WDR41: variants seen among roughly 807,000 people sequenced by gnomAD.
The protein encoded by WDR41 is WD repeat-containing protein 41.
A neutral mutation model predicts 69.3 loss-of-function variants in WDR41; 63 were observed. The observed-to-expected ratio is 0.91, with a 90% confidence interval of 0.74 to 1.12. The LOEUF (loss-of-function observed/expected upper bound fraction) is 1.12. Ranked by LOEUF, WDR41 falls within the 50% of genes most tolerant of loss-of-function variation. The pLI, the probability that WDR41 is intolerant of heterozygous loss-of-function variation, is 0.00. For synonymous variants in WDR41, 185 were observed against 192.1 expected, an observed-to-expected ratio of 0.96 and a Z score of 0.31; for missense variants, 543 against 534.5, an observed-to-expected ratio of 1.02 and a Z score of -0.16.
intron 1 of WDR41, among the ~76,000 whole-genome samples, chr5:77,561,988 A>C (rs1443685656): frequency 1.3e-5 from 2 of 152,210 alleles, no homozygotes; most frequent in African/African-American, 4.8e-5. Flanking sequence ...TTAAAAGGTC[A>C]GTTCCCAGTT....
At chr5:77,504,501 G>A (rs982181970) in intron 1 of WDR41, among the ~76,000 whole-genome samples, 3 of 152,138 alleles carry the variant, frequency 2.0e-5, no homozygotes, top group South Asian at 4.1e-4. Flanking sequence ...AGAAAAAGAG[G>A]GAATCCTCCC....
chr5:77,531,305 A>G (rs920028407), intron 1 of WDR41, among the ~76,000 whole-genome samples: 4 of 152,050 alleles, frequency 2.6e-5, no homozygotes, highest in Admixed American at 6.6e-5. Context: ...TTACAACTCA[A>G]CAACAAAATG....
chr5:77,608,448 C>T (rs1744470773), intron 1 of WDR41, among the ~76,000 whole-genome samples: 1 of 152,122 alleles, frequency 6.6e-6, no homozygotes, highest in South Asian at 2.1e-4. Context: ...CCTGTAGAGG[C>T]TTCAGTACCT....
At chr5:77,555,587 G>A (rs1299324054) in intron 1 of WDR41, among the ~76,000 whole-genome samples, 1 of 152,112 alleles carries the variant, frequency 6.6e-6, no homozygotes, top group African/African-American at 2.4e-5. Context: ...TGGGATTACA[G>A]GTGTGAGCCA....
At position 77,476,048 on chromosome 5, in the gene WDR41, G is replaced by A. The variant is rs557941873; in HGVS notation, c.168-11239C>T. ...ATGCAGAAGCCTCAGAAGCCGATGC[G>A]ATCAACTGGAAGAAAGGGTATCAGC... On this transcript the variant is annotated intron_variant, in intron 2 of 12. Transcript: ENST00000296679. Among the ~76,000 whole-genome samples, 842 of 152,200 alleles carry A rather than the reference G, an allele frequency of 5.5e-3. 1 individual carries two copies. The highest frequency in any genetic ancestry group is 8.3e-3 in the Non-Finnish European group (566 of 68,006).
intron 1 of WDR41, among the ~76,000 whole-genome samples, chr5:77,514,206 T>C (rs1171418054): frequency 1.3e-5 from 2 of 152,212 alleles, no homozygotes; most frequent in Non-Finnish European, 2.9e-5. Flanking sequence ...CCAGTCTTTT[T>C]TTTTCTGTAC....
intron 1 of WDR41, among the ~76,000 whole-genome samples, chr5:77,552,787 G>A (rs1743321253): frequency 6.6e-6 from 1 of 152,168 alleles, no homozygotes; most frequent in Admixed American, 6.5e-5. Context: ...CCAATTTAAA[G>A]GAGGAGGAAT....
chr5:77,602,971 C>A (rs1402832046), intron 1 of WDR41, among the ~76,000 whole-genome samples: 1 of 148,028 alleles, frequency 6.8e-6, no homozygotes, highest in Non-Finnish European at 1.5e-5. Flanking sequence ...TGGAGTCTCG[C>A]TCTGTGGCCC....
intron 1 of WDR41, among the ~76,000 whole-genome samples, chr5:77,599,051 A>G (rs1246898242): frequency 2.0e-5 from 3 of 152,014 alleles, no homozygotes; most frequent in Non-Finnish European, 4.4e-5. Context: ...ACTTCAAGCT[A>G]CTACTAATAT....
chr5:77,487,032 C>T (rs2112103556), intron 2 of WDR41, among the ~76,000 whole-genome samples: 1 of 152,306 alleles, frequency 6.6e-6, no homozygotes, highest in Middle Eastern at 3.4e-3. Context: ...GTACACTAAC[C>T]ATTATTCTAT....
intron 1 of WDR41, among the ~76,000 whole-genome samples, chr5:77,537,376 G>A (rs1743006905): frequency 6.6e-6 from 1 of 152,228 alleles, no homozygotes; most frequent in Non-Finnish European, 1.5e-5. Context: ...ATCCGACCAT[G>A]TTTGGTCAGG....
chr5:77,620,433 A>T (rs1561242496), intron 1 of WDR41: 1 of 456,080 alleles, frequency 2.2e-6, no homozygotes, highest in African/African-American at 2.0e-5. Flanking sequence ...CCCTGAAAAT[A>T]TTGGGGGATG....
In WDR41 at chr5:77,489,582, A is replaced by T; in HGVS notation, c.52-10T>A. On this transcript the variant is annotated splice_polypyrimidine_tract_variant and intron_variant, in intron 1 of 12. Transcript: ENST00000296679. ...TCTGTAAAGGAGATTTCTTGTATTG[A>T]AAAAAAAAAAAAAGCAAAAAACAAA... 4 of 365,044 alleles carry T rather than the reference A, an allele frequency of 1.1e-5. No homozygotes were observed. Among genetic ancestry groups the T allele is most frequent in the Non-Finnish European group, 1.2e-5 (3 of 257,008 alleles). The allele number at this position is 365,044 out of a possible 1,614,324, so 22.6% of individuals were successfully genotyped here.
chr5:77,476,364 A>G (rs915389495), intron 2 of WDR41, among the ~76,000 whole-genome samples: 1 of 151,460 alleles, frequency 6.6e-6, no homozygotes, highest in East Asian at 1.9e-4. Flanking sequence ...TCCAAGACAC[A>G]TAATTGTCAG....
At chr5:77,576,014 G>A (rs963649954) in intron 1 of WDR41, among the ~76,000 whole-genome samples, 2 of 152,136 alleles carry the variant, frequency 1.3e-5, no homozygotes. Context: ...GAACCTTCTG[G>A]ATGGAGTCTT....
chr5:77,601,516 A>G (rs1163819182), intron 1 of WDR41, among the ~76,000 whole-genome samples: 1 of 152,256 alleles, frequency 6.6e-6, no homozygotes, highest in Non-Finnish European at 1.5e-5. Context: ...TGAAGTACTT[A>G]GACTGCAAGG....
intron 12 of WDR41, among the ~76,000 whole-genome samples, chr5:77,435,566 G>C (rs569675676): frequency 6.6e-6 from 1 of 152,196 alleles, no homozygotes; most frequent in African/African-American, 2.4e-5. Flanking sequence ...CAAATGAAAA[G>C]AAATTTTTTG....
chr5:77,464,274 C>CTTTTTTTTTTTTTTTTT (rs71606297), intron 3 of WDR41, among the ~76,000 whole-genome samples: 7 of 94,202 alleles, frequency 7.4e-5, no homozygotes, highest in East Asian at 3.4e-4. Flanking sequence ...TAGGAAAAAA[C>CTTTTTTTTTTTTTTTTT]TTTTTTTTTT....
At chr5:77,486,132 T>C (rs1313894886) in intron 2 of WDR41, among the ~76,000 whole-genome samples, 1 of 152,264 alleles carries the variant, frequency 6.6e-6, no homozygotes, top group African/African-American at 2.4e-5. Context: ...ATAATGTTTA[T>C]ACTTTGTAGA....
Sources: allele counts gnomAD v4.1 joint callset (sites outside exome capture counted in the v4.1 genomes callset), GRCh38; gene constraint gnomAD v4.1.1; transcripts MANE v1.5; gene names NCBI Gene and HGNC (gene_info 2026-07-23, HGNC 2026-07-21).